Variants in EBF1 observed in about 807,000 individuals in gnomAD.
The protein encoded by EBF1 is EBF transcription factor 1, also known as transcription factor COE1.
Under a neutral mutation model 68.4 loss-of-function variants are expected in EBF1, and 10 were observed. The observed-to-expected ratio is 0.15, with a 90% CI of 0.09 to 0.25. The LOEUF (loss-of-function observed/expected upper bound fraction) is 0.25, where lower values mean the gene tolerates loss of function less well. Ranked by LOEUF, EBF1 falls within the 10% of genes least tolerant of loss-of-function variation. The pLI, the probability that EBF1 is intolerant of heterozygous loss-of-function variation, is 1.00. For synonymous variants in EBF1, 298 were observed against 299.8 expected (o/e 0.99, Z 0.06); for missense variants, 509 against 794.4 (o/e 0.64, Z 4.32).
intron 6 of EBF1, among the ~76,000 whole-genome samples, chr5:158,873,673 T>A (rs1797290288): frequency 6.6e-6 from 1 of 152,150 alleles, no homozygotes; most frequent in Non-Finnish European, 1.5e-5. Flanking sequence ...TACCACAGGG[T>A]ACTCATTGAA....
intron 6 of EBF1, among the ~76,000 whole-genome samples, chr5:159,067,617 T>C (rs1254848795): frequency 3.3e-5 from 5 of 152,208 alleles, no homozygotes; most frequent in Non-Finnish European, 7.3e-5. Context: ...GCTTATTGTA[T>C]TAGTTATTTT....
chr5:158,720,067 T>G (rs1187159558), intron 11 of EBF1, among the ~76,000 whole-genome samples: 2 of 152,164 alleles, frequency 1.3e-5, no homozygotes, highest in Non-Finnish European at 2.9e-5. Context: ...ATTCAAAATA[T>G]AGTGGCCAAA....
In EBF1 at chr5:158,696,969, A is replaced by AT. The variant is rs1755874440; in HGVS notation, c.*2141_*2142insA. The stretch of plus-strand genomic sequence containing the variant: ...GTGATGACTGACAGTTCTGGTGCAC[A>AT]GTTACAATGTACAAGTGAAATGAAT... On this transcript the variant is annotated 3_prime_UTR_variant, in exon 16 of 16. Transcript: ENST00000313708. 1 of 191,892 alleles carries AT rather than the reference A, an allele frequency of 5.2e-6. No individual in the cohort carries two copies. The highest frequency in any genetic ancestry group is 1.1e-5 in the Non-Finnish European group (1 of 92,838). The allele number at this position is 191,892 out of a possible 1,614,324, so 11.9% of individuals were successfully genotyped here.
chr5:158,966,373 T>C (rs188508801), intron 6 of EBF1, among the ~76,000 whole-genome samples: 2 of 152,302 alleles, frequency 1.3e-5, no homozygotes, highest in Admixed American at 6.5e-5. Flanking sequence ...TCCTTCCAAT[T>C]TGATGATCAC....
intron 11 of EBF1, among the ~76,000 whole-genome samples, chr5:158,729,925 G>T (rs1421084879): frequency 6.6e-6 from 1 of 152,160 alleles, no homozygotes; most frequent in African/African-American, 2.4e-5. Flanking sequence ...ATTTCTCCCA[G>T]ACAGGGCCAG....
chr5:159,073,883 G>A (rs1351191008), intron 5 of EBF1: 1 of 156,482 alleles, frequency 6.4e-6, no homozygotes, highest in African/African-American at 2.4e-5. Context: ...AGGTATGAGT[G>A]ATTTCTCCCC....
At chr5:158,988,534 G>A (rs1759606141) in intron 6 of EBF1, among the ~76,000 whole-genome samples, 1 of 152,108 alleles carries the variant, frequency 6.6e-6, no homozygotes, top group Non-Finnish European at 1.5e-5. Flanking sequence ...TGCTTAAGTT[G>A]TCAAGAGTCA....
chr5:158,768,960 A>T (rs1773329796), intron 10 of EBF1, among the ~76,000 whole-genome samples: 1 of 152,194 alleles, frequency 6.6e-6, no homozygotes, highest in African/African-American at 2.4e-5. Context: ...TCAAAACTTT[A>T]CAGTGTTGCA....
At chr5:158,754,466 A>G (rs1769612443) in intron 10 of EBF1, among the ~76,000 whole-genome samples, 1 of 152,184 alleles carries the variant, frequency 6.6e-6, no homozygotes, top group Admixed American at 6.5e-5. Context: ...AGAAGGAAAG[A>G]ATTTCCTAGC....
chr5:158,775,771 CACAT>C (rs1296975058), intron 10 of EBF1, among the ~76,000 whole-genome samples: 1 of 130,626 alleles, frequency 7.7e-6, no homozygotes, highest in African/African-American at 3.1e-5. Context: ...CACACACACA[CACAT>C]GCACACAGAC....
chr5:158,775,783 GACACACACACACACACACAC>G (rs58752245), intron 10 of EBF1, among the ~76,000 whole-genome samples: 31 of 129,606 alleles, frequency 2.4e-4, no homozygotes, highest in African/African-American at 7.7e-4. Flanking sequence ...CATGCACACA[GACACACACACACACACACAC>G]ACACACACAC....
intron 6 of EBF1, among the ~76,000 whole-genome samples, chr5:158,899,490 G>A (rs114443478): frequency 2.6e-4 from 39 of 152,282 alleles, no homozygotes; most frequent in Non-Finnish European, 3.8e-4. Context: ...TATGAGTGCC[G>A]TGTGCACAGA....
chr5:159,024,089 T>A (rs1264246501), intron 6 of EBF1, among the ~76,000 whole-genome samples: 1 of 152,156 alleles, frequency 6.6e-6, no homozygotes, highest in African/African-American at 2.4e-5. Context: ...AAGCCCATAG[T>A]ATTCTGATAA....
Position 158,823,246 on chromosome 5 carries a change from A to G in EBF1, c.708T>C (p.Asn236=). ...GAGCCCTCCGCCCATGCTTGGAATT[A>G]TTATGGACAAACATGTTATCAGAGA... is the stretch of plus-strand genomic sequence containing the variant. ...LAVSDNMFVH[N]NSKHGRRARR... Residue 236 remains asparagine (N), a synonymous_variant, in exon 8 of 16, where the codon AAT becomes AAC. Coordinates refer to ENST00000313708, the MANE Select transcript of EBF1 (RefSeq NM_024007.5). The G allele has an allele frequency of 6.2e-7, 1 of 1,614,004 alleles. No homozygotes were observed.
intron 10 of EBF1, among the ~76,000 whole-genome samples, chr5:158,773,446 T>C (rs1243289507): frequency 6.6e-6 from 1 of 152,116 alleles, no homozygotes; most frequent in Non-Finnish European, 1.5e-5. Context: ...TTGGAAAAGT[T>C]AGTGGTAGAA....
rs141924174 is a variant in EBF1 at position 158,870,742 on chromosome 5, C to A, written c.555-30632G>T. The stretch of plus-strand genomic sequence containing the variant: ...TGCCCACTAGCCCACAACCACATAG[C>A]AAGGTCTGAAACCTGAACCAACATC... On this transcript the variant is annotated intron_variant, in intron 6 of 15. Transcript: ENST00000313708. Among the ~76,000 whole-genome samples the A allele has an allele frequency of 8.5e-3, 1,291 of 152,276 alleles. 25 individuals are homozygous for A. Among genetic ancestry groups the A allele is most frequent in the African/African-American group, 0.03 (1,226 of 41,556 alleles).
intron 7 of EBF1, among the ~76,000 whole-genome samples, chr5:158,835,319 T>C (rs1377081090): frequency 6.6e-6 from 1 of 152,202 alleles, no homozygotes. Context: ...CCTTGGAGAA[T>C]TGACCAAACC....
intron 6 of EBF1, among the ~76,000 whole-genome samples, chr5:158,926,330 T>C (rs1393734859): frequency 6.6e-6 from 1 of 152,232 alleles, no homozygotes; most frequent in Non-Finnish European, 1.5e-5. Context: ...TATTAACTTT[T>C]GCATATTGAT....
chr5:158,785,226 G>C (rs1221773847), intron 9 of EBF1, among the ~76,000 whole-genome samples: 1 of 152,186 alleles, frequency 6.6e-6, no homozygotes, highest in East Asian at 1.9e-4. Context: ...GAGATACCAA[G>C]GTGTTAGGGA....
Sources: allele counts gnomAD v4.1 joint callset (sites outside exome capture counted in the v4.1 genomes callset), GRCh38; gene constraint gnomAD v4.1.1; transcripts MANE v1.5; gene names NCBI Gene and HGNC (gene_info 2026-07-23, HGNC 2026-07-21).